Variants in MARS1 observed in about 807,000 individuals in gnomAD.
MARS1 encodes methionine--tRNA ligase, cytoplasmic.
In MARS1, 80 loss-of-function variants were observed where a neutral mutation model predicts 119.5. The ratio of observed to expected loss-of-function variants is 0.67; its 90% CI spans 0.56 to 0.81. The LOEUF is 0.81. Ranked by LOEUF, MARS1 falls within the 30% of genes least tolerant of loss-of-function variation. The pLI, the probability that MARS1 is intolerant of heterozygous loss-of-function variation, is 0.00. For missense variants in MARS1, 945 were observed against 1,116.5 expected, an observed-to-expected ratio of 0.85 and a Z score of 2.19; for synonymous variants, 418 against 433.4, an observed-to-expected ratio of 0.96 and a Z score of 0.44.
chr12:57,504,371 TGA>T lies in MARS1; in HGVS notation c.1368+76_1368+77del. 15 of 1,141,884 alleles carry T rather than the reference TGA, an allele frequency of 1.3e-5. No individual in the cohort carries two copies. The South Asian group carries it at 1.8e-4, about 14-fold the overall frequency. 70.7% of individuals were successfully genotyped at this position (1,141,884 alleles called of 1,614,324 possible). A position where few individuals can be genotyped will look rare whatever the true frequency, so the allele number is the denominator to read the frequency against. On this transcript the variant is annotated intron_variant, in intron 11 of 20. Transcript: ENST00000262027. ...TCCCCTCTGCCTTAGCCACAAATACTGAGAGCAGATTACTCTTAAAAGTTTTA... is the reference window on the plus strand; with the variant it reads ...TCCCCTCTGCCTTAGCCACAAATACTGAGCAGATTACTCTTAAAAGTTTTA...
chr12:57,500,288 T>C, intron 9 of MARS1, 33 bp from the exon 10 acceptor site: 1 of 1,595,422 alleles, frequency 6.3e-7, no homozygotes, highest in Non-Finnish European at 8.6e-7. Flanking sequence ...GTCTTCTGAC[T>C]GTCTCTTCCT....
In MARS1 at chr12:57,503,570, A is replaced by G. The variant is rs569499348; in HGVS notation, c.1294-655A>G. ...TTTTCCTTTTTTTTTTTTTTGAGAC[A>G]GAGTCTGCTCTGTCAGCAGCCTGGC... is the stretch of plus-strand genomic sequence containing the variant. On this transcript the variant is annotated intron_variant, in intron 10 of 20. Transcript: ENST00000262027. Among the ~76,000 whole-genome samples, 59 of 148,834 alleles carry G rather than the reference A, an allele frequency of 4.0e-4. 1 individual carries two copies. The highest frequency in any genetic ancestry group is 1.9e-3 in the South Asian group (9 of 4,734).
At position 57,498,293 on chromosome 12, in the gene MARS1, G is replaced by A. The variant is rs1288728907; in HGVS notation, c.887+20G>A. On this transcript the variant is annotated intron_variant, in intron 8 of 20. Transcript: ENST00000262027. ...TGCCAGGTGGAGCCAGCTGCTCGGG[G>A]AGAGACCTCCTAAGGGAAGGGCGGG... The A allele has an allele frequency of 6.2e-7, 1 of 1,608,024 alleles. No individual in the cohort carries two copies. The highest frequency in any genetic ancestry group is 2.2e-5 in the East Asian group (1 of 44,862).
chr12:57,508,069 C>A (rs974628228), intron 11 of MARS1, among the ~76,000 whole-genome samples: 21 of 151,938 alleles, frequency 1.4e-4, no homozygotes, highest in Non-Finnish European at 2.6e-4. Context: ...GATGGGCAGC[C>A]GGGCAGAGAC....
intron 11 of MARS1, among the ~76,000 whole-genome samples, chr12:57,507,182 C>G (rs1400936983): frequency 6.6e-6 from 1 of 151,290 alleles, no homozygotes; most frequent in Non-Finnish European, 1.5e-5. Flanking sequence ...GGTTATAGAT[C>G]AACAGCATCC....
chr12:57,491,351 T>G (rs1434305343), intron 7 of MARS1, among the ~76,000 whole-genome samples: 1 of 152,200 alleles, frequency 6.6e-6, no homozygotes, highest in Non-Finnish European at 1.5e-5. Flanking sequence ...TCCTGCTAAA[T>G]GCCCTTTTAT....
chr12:57,494,901 A>T (rs897313540), intron 7 of MARS1, among the ~76,000 whole-genome samples: 4 of 152,166 alleles, frequency 2.6e-5, no homozygotes, highest in Non-Finnish European at 5.9e-5. Flanking sequence ...TCCTATGTCT[A>T]CTTCTTTCCA....
chr12:57,513,065 G>A, intron 15 of MARS1, 101 bp downstream of exon 15: 1 of 952,684 alleles, frequency 1.0e-6, no homozygotes, highest in Non-Finnish European at 1.7e-6. Context: ...TGGGCAGGAG[G>A]CTGTGAGGAC....
In MARS1 at chr12:57,516,313, G is replaced by A. The variant is rs73344102; in HGVS notation, c.2532G>A (p.Ala844=). 2.0e-3 allele frequency: 3,272 copies of A among 1,614,130 alleles called. 52 individuals carry two copies. The African/African-American group carries it at 0.036, about 18-fold the overall frequency. Residue 844 remains alanine, a synonymous_variant, in exon 20 of 21, where the codon GCG becomes GCA. Transcript: ENST00000262027. ...CAGCCAAGCCACAGCAGATACAAGCGCTGATGGATGAAGTGACAAAACAAG... is the reference window on the plus strand; with the variant it reads ...CAGCCAAGCCACAGCAGATACAAGCACTGATGGATGAAGTGACAAAACAAG... ...VTTAKPQQIQ[A]LMDEVTKQGN... is the part of the protein sequence containing the mutation.
intron 7 of MARS1, among the ~76,000 whole-genome samples, chr12:57,493,816 TATA>T (rs1876371865): frequency 3.8e-3 from 4 of 1,064 alleles, no homozygotes; most frequent in South Asian, 0.083. Context: ...TAATGTATAT[TATA>T]TATATTATAT....
At position 57,493,872 on chromosome 12, in the gene MARS1, A is replaced by ATATAATATATAATATATATATTTATAT. The variant is rs1452883678; in HGVS notation, c.770+3232_770+3233insATATATAATATATATATTTATATTATA. On this transcript the variant is annotated intron_variant, in intron 7 of 20. Coordinates refer to ENST00000262027, the MANE Select transcript of MARS1 (RefSeq NM_004990.4). Reference sequence around the variant, plus strand: ...AATATATATATTTATATTATATAATATATATAATATATAATATATATTTAT... The same window carrying ATATAATATATAATATATATATTTATAT: ...AATATATATATTTATATTATATAATATATAATATATAATATATATATTTATATTATATAATATATAATATATATTTAT... Among the ~76,000 whole-genome samples, 6 of 5,174 alleles carry ATATAATATATAATATATATATTTATAT rather than the reference A, an allele frequency of 1.2e-3. 1 individual carries two copies. The Non-Finnish European group carries it at 0.046, about 40-fold the overall frequency. 3.4% of individuals were successfully genotyped at this position (5,174 alleles called of 152,430 possible).
At chr12:57,499,539 G>T (rs1876817045) in intron 9 of MARS1, among the ~76,000 whole-genome samples, 1 of 149,872 alleles carries the variant, frequency 6.7e-6, no homozygotes, top group South Asian at 2.1e-4. Flanking sequence ...GGGAGGCAGA[G>T]CTTACAGTGA....
Position 57,490,576 on chromosome 12 carries a change from T to C in MARS1, c.702T>C (p.Ala234=), listed in dbSNP as rs749123562. 8 of 1,614,130 alleles carry C rather than the reference T, an allele frequency of 5.0e-6. No homozygotes were observed. Among genetic ancestry groups the C allele is most frequent in the Non-Finnish European group, 6.8e-6 (8 of 1,180,020 alleles). ...CTACCCTATCTGAGGAGGAGATTGC[T>C]ATGGCTGTTACTGCTTGGGAGAAGG... is the stretch of plus-strand genomic sequence containing the variant. ...ELATLSEEEI[A]MAVTAWEKGL... The change falls in exon 7 of 21, where the codon GCT becomes GCC. Residue 234 remains alanine, a synonymous_variant. Coordinates refer to ENST00000262027, the MANE Select transcript of MARS1 (RefSeq NM_004990.4).
Position 57,489,123 on chromosome 12 carries a change from C to G in MARS1, c.200+14C>G, listed in dbSNP as rs760745638. The stretch of plus-strand genomic sequence containing the variant: ...TGCAATCTGCCGGTCAGTATTGGTC[C>G]TTGGTGTAGGGAGGTGGCTGAATCA... On this transcript the variant is annotated intron_variant, in intron 2 of 20. Coordinates refer to ENST00000262027, the MANE Select transcript of MARS1 (RefSeq NM_004990.4). 1 of 1,612,932 alleles carries G rather than the reference C, an allele frequency of 6.2e-7. No individual in the cohort carries two copies. The highest frequency in any genetic ancestry group is 1.3e-5 in the African/African-American group (1 of 74,856).
In MARS1 at chr12:57,489,025, TG is replaced by T; in HGVS notation, c.118del (p.Val40SerfsTer4). On this transcript the variant is annotated frameshift_variant, in exon 2 of 21. Coordinates refer to ENST00000262027, the MANE Select transcript of MARS1 (RefSeq NM_004990.4). LOFTEE classifies it high-confidence loss of function. Reference sequence around the variant, plus strand: ...TTTTCCATTCTTGCATCAGATTGTGTGGTCCCGTTCCTGACCCGGCCTAAGG... The same window carrying T: ...TTTTCCATTCTTGCATCAGATTGTGTGTCCCGTTCCTGACCCGGCCTAAGG... ...LISTVGPEDCVVPFLTRPKVP... is the reference protein window; with the variant it reads ...LISTVGPEDCXVPFLTRPKVP... 6.2e-7 allele frequency: 1 copy of T among 1,612,870 alleles called. No individual in the cohort carries two copies. Among genetic ancestry groups the T allele is most frequent in the Non-Finnish European group, 8.5e-7 (1 of 1,178,990 alleles).
At chr12:57,515,465 G>A in intron 18 of MARS1, 129 bp downstream of exon 18, 1 of 860,396 alleles carries the variant, frequency 1.2e-6, no homozygotes. Flanking sequence ...CTGATATAAA[G>A]TCCTTGGTAG....
intron 7 of MARS1, among the ~76,000 whole-genome samples, chr12:57,490,898 C>T (rs1302515307): frequency 1.5e-4 from 16 of 109,562 alleles, no homozygotes; most frequent in Admixed American, 2.4e-4. Flanking sequence ...TTTTTTGAGG[C>T]GGAGTTTCGC....
In MARS1 at chr12:57,498,239, A is replaced by G. The variant is rs776026574; in HGVS notation, c.853A>G (p.Ile285Val). 6.2e-7 allele frequency: 1 copy of G among 1,614,074 alleles called. No homozygotes were observed. ...CAATGTCCCCCACCTTGGGAACATC[A>G]TTGGTTGTGTGCTCAGTGCCGATGT... ...VNNVPHLGNI[I>V]GCVLSADVFA... The change falls in exon 8 of 21, where the codon ATT becomes GTT. Residue 285 changes from isoleucine to valine, a missense_variant. Transcript: ENST00000262027.
At chr12:57,488,830 A>C (rs990406171) in intron 1 of MARS1, 189 bp from the exon 2 acceptor site, 2 of 777,300 alleles carry the variant, frequency 2.6e-6, no homozygotes, top group Admixed American at 4.8e-5. Flanking sequence ...GTTTCAGCTG[A>C]ACACCTGCTG....
Sources: allele counts gnomAD v4.1 joint callset (sites outside exome capture counted in the v4.1 genomes callset), GRCh38; gene constraint gnomAD v4.1.1; transcripts MANE v1.5; gene names NCBI Gene and HGNC (gene_info 2026-07-23, HGNC 2026-07-21).